ZNF627: variants seen among roughly 807,000 people sequenced by gnomAD.
ZNF627 encodes the protein zinc finger protein 627.
ZNF627 carries 12 observed loss-of-function variants against 10.6 expected under a neutral mutation model. The ratio of observed to expected loss-of-function variants is 1.13; its 90% confidence interval spans 0.73 to 1.84. ZNF627 has a LOEUF of 1.84. ZNF627 is among the 40% of genes most tolerant of loss of function. The pLI, the probability that ZNF627 is intolerant of heterozygous loss-of-function variation, is 0.00. For missense variants in ZNF627, 504 were observed against 568.4 expected, an observed-to-expected ratio of 0.89 and a Z score of 1.15; for synonymous variants, 176 against 187.1, an observed-to-expected ratio of 0.94 and a Z score of 0.48.
chr19:11,599,086 G>C (rs1297545145), intron 1 of ZNF627, among the ~76,000 whole-genome samples: 2 of 152,196 alleles, frequency 1.3e-5, no homozygotes, highest in African/African-American at 4.8e-5. Flanking sequence ...ACTGTGATAT[G>C]TCTTCAGAGC....
At chr19:11,609,817 A>AT (rs1973742935) in intron 1 of ZNF627, among the ~76,000 whole-genome samples, 1 of 151,720 alleles carries the variant, frequency 6.6e-6, no homozygotes, top group Non-Finnish European at 1.5e-5. Context: ...CGCGCCTGTA[A>AT]TTTTTTGTTG....
Position 11,616,893 on chromosome 19 carries a change from A to C in ZNF627, c.390A>C (p.Glu130Asp). Residue 130 changes from glutamate to aspartate, a missense_variant, in exon 4 of 4, where the codon GAA (glutamate) becomes GAC (aspartate). Transcript: ENST00000361113. Reference sequence around the variant, plus strand: ...ATCACACTGGACGTGAACCAAATGAATATCAGGAATATGGAAAGAAGTCAT... The same window carrying C: ...ATCACACTGGACGTGAACCAAATGACTATCAGGAATATGGAAAGAAGTCAT... ...IRDHTGREPNEYQEYGKKSYT... is the reference protein window; with the variant it reads ...IRDHTGREPNDYQEYGKKSYT... 1 of 1,614,152 alleles carries C rather than the reference A, an allele frequency of 6.2e-7. No individual in the cohort carries two copies. Among genetic ancestry groups the C allele is most frequent in the Non-Finnish European group, 8.5e-7 (1 of 1,180,024 alleles).
At chr19:11,612,213 C>T (rs1443784343) in intron 1 of ZNF627, among the ~76,000 whole-genome samples, 37 of 149,618 alleles carry the variant, frequency 2.5e-4, no homozygotes, top group Admixed American at 5.4e-4. Flanking sequence ...CTCCACCTCC[C>T]GGGTTCACGC....
chr19:11,600,060 C>T (rs1039199217), intron 1 of ZNF627, among the ~76,000 whole-genome samples: 1 of 152,006 alleles, frequency 6.6e-6, no homozygotes, highest in Non-Finnish European at 1.5e-5. Context: ...CATCAGTAGA[C>T]CTTGAAATAT....
Position 11,616,852 on chromosome 19 carries a change from A to G in ZNF627, c.349A>G (p.Asn117Asp). 6.2e-7 allele frequency: 1 copy of G among 1,614,118 alleles called. No homozygotes were observed. Among genetic ancestry groups the G allele is most frequent in the Admixed American group, 1.7e-5 (1 of 60,016 alleles). Residue 117 changes from asparagine (N) to aspartate (D), a missense_variant, in exon 4 of 4, where the codon AAT becomes GAT. Coordinates refer to ENST00000361113, the MANE Select transcript of ZNF627 (RefSeq NM_145295.4). ...AGTTGGCATGGGTCCTTCATCACTT[A>G]ATAGGCACATCAGAGATCACACTGG... Reference protein sequence around the residue: ...GEVGMGPSSLNRHIRDHTGRE... With the variant: ...GEVGMGPSSLDRHIRDHTGRE...
chr19:11,617,828 C>T lies in ZNF627; in HGVS notation c.1325C>T (p.Thr442Ile). The T allele has an allele frequency of 6.2e-7, 1 of 1,604,238 alleles. No homozygotes were observed. Among genetic ancestry groups the T allele is most frequent in the Non-Finnish European group, 8.5e-7 (1 of 1,176,648 alleles). Reference protein sequence around the residue: ...TYFRVHEKIHTGEKPYENPNP... With the variant: ...TYFRVHEKIHIGEKPYENPNP... The stretch of plus-strand genomic sequence containing the variant: ...TTTCGAGTACATGAAAAAATTCATA[C>T]TGGAGAGAAACCCTATGAGAACCCT... The change falls in exon 4 of 4, where the codon ACT becomes ATT. Residue 442 changes from threonine (T) to isoleucine (I), a missense_variant. Transcript: ENST00000361113.
chr19:11,616,437 C>T (rs1003832692), intron 3 of ZNF627, among the ~76,000 whole-genome samples: 5 of 151,992 alleles, frequency 3.3e-5, no homozygotes, highest in Admixed American at 6.6e-5. Flanking sequence ...AGGCATAAAA[C>T]GTACACTTTC....
At chr19:11,601,313 T>A (rs1473013043) in intron 1 of ZNF627, among the ~76,000 whole-genome samples, 1 of 146,414 alleles carries the variant, frequency 6.8e-6, no homozygotes, top group African/African-American at 2.5e-5. Context: ...TGGATTTAGG[T>A]AAGGAGTGAT....
intron 1 of ZNF627, among the ~76,000 whole-genome samples, chr19:11,605,988 C>A (rs1255822358): frequency 6.6e-6 from 1 of 152,116 alleles, no homozygotes; most frequent in Non-Finnish European, 1.5e-5. Flanking sequence ...AACAAAGGGG[C>A]TAGAGGCCCT....
chr19:11,618,288 G>C lies in ZNF627; in HGVS notation c.*399G>C, dbSNP rs1316080376. ...ACACTTGCTTCCATCCCATTTTCCT[G>C]CTTCTTTGGGTTGCCAATCAAGAGT... On this transcript the variant is annotated 3_prime_UTR_variant, in exon 4 of 4. Coordinates refer to ENST00000361113, the MANE Select transcript of ZNF627 (RefSeq NM_145295.4). 1 of 167,682 alleles carries C rather than the reference G, an allele frequency of 6.0e-6. No homozygotes were observed. The highest frequency in any genetic ancestry group is 1.3e-5 in the Non-Finnish European group (1 of 79,242). The allele number at this position is 167,682 out of a possible 1,614,324, so 10.4% of individuals were successfully genotyped here. A position where few individuals can be genotyped will look rare whatever the true frequency, so the allele number is the denominator to read the frequency against.
chr19:11,599,532 A>G (rs563328893), intron 1 of ZNF627, among the ~76,000 whole-genome samples: 26 of 152,168 alleles, frequency 1.7e-4, no homozygotes, highest in Non-Finnish European at 3.5e-4. Flanking sequence ...TGGAGGCAAA[A>G]TGCAGTGTCT....
At chr19:11,608,263 TG>T (rs1185010615) in intron 1 of ZNF627, among the ~76,000 whole-genome samples, 1 of 152,132 alleles carries the variant, frequency 6.6e-6, no homozygotes, top group Non-Finnish European at 1.5e-5. Flanking sequence ...GTGGGGATTA[TG>T]GGAACTACAA....
At chr19:11,600,222 CGAG>C (rs1238087562) in intron 1 of ZNF627, among the ~76,000 whole-genome samples, 1 of 151,980 alleles carries the variant, frequency 6.6e-6, no homozygotes. Context: ...AGGCAGATCA[CGAG>C]GTCAGGAGAT....
In ZNF627 at chr19:11,617,493, T is replaced by C. The variant is rs771335817; in HGVS notation, c.990T>C (p.Thr330=). Residue 330 remains threonine, a synonymous_variant, in exon 4 of 4, where the codon ACT becomes ACC. Coordinates refer to ENST00000361113, the MANE Select transcript of ZNF627 (RefSeq NM_145295.4). ...TTAGAAGACACATGATAAAGCACAC[T>C]GGCAATGGACCTTATAAATGTAAGG... The part of the protein sequence containing the change: ...ASVRRHMIKH[T]GNGPYKCKVC... The C allele has an allele frequency of 5.0e-6, 8 of 1,612,656 alleles. No homozygotes were observed. In the Admixed American group the frequency reaches 1.3e-4, roughly 27 times the overall value.
At chr19:11,607,300 C>G (rs1973692125) in intron 1 of ZNF627, among the ~76,000 whole-genome samples, 1 of 151,978 alleles carries the variant, frequency 6.6e-6, no homozygotes, top group Non-Finnish European at 1.5e-5. Context: ...CCACGGCCAG[C>G]TAATTCTATA....
chr19:11,609,110 G>A (rs1973721802), intron 1 of ZNF627, among the ~76,000 whole-genome samples: 1 of 152,070 alleles, frequency 6.6e-6, no homozygotes, highest in African/African-American at 2.4e-5. Flanking sequence ...AGCTCAAGCT[G>A]TGTGCCCACC....
chr19:11,600,439 CAAAA>C (rs200869064), intron 1 of ZNF627, among the ~76,000 whole-genome samples: 1 of 148,264 alleles, frequency 6.7e-6, no homozygotes, highest in Non-Finnish European at 1.5e-5. Flanking sequence ...GACTCCATCT[CAAAA>C]AAAAAATTAT....
At chr19:11,605,077 T>C (rs1316934868) in intron 1 of ZNF627, among the ~76,000 whole-genome samples, 1 of 137,516 alleles carries the variant, frequency 7.3e-6, no homozygotes, top group Non-Finnish European at 1.5e-5. Context: ...TTTTTCTTTC[T>C]TTCTTTTTTT....
chr19:11,605,249 AT>A (rs372754386), intron 1 of ZNF627, among the ~76,000 whole-genome samples: 172 of 150,006 alleles, frequency 1.1e-3, no homozygotes, highest in African/African-American at 3.9e-3. Flanking sequence ...GGCCTGACTA[AT>A]TTTTTTTTGT....
Sources: allele counts gnomAD v4.1 joint callset (sites outside exome capture counted in the v4.1 genomes callset), GRCh38; gene constraint gnomAD v4.1.1; transcripts MANE v1.5; gene names NCBI Gene and HGNC (gene_info 2026-07-23, HGNC 2026-07-21).